The following GRID2 variants were observed in gnomAD, a reference collection of about 807,000 sequenced individuals.
The protein encoded by GRID2 is glutamate ionotropic receptor delta type subunit 2.
A neutral mutation model predicts 114.8 loss-of-function variants in GRID2; 33 were observed. The ratio of observed to expected loss-of-function variants is 0.29; its 90% confidence interval spans 0.22 to 0.38. GRID2 has a LOEUF of 0.38. Among genes scored for constraint, GRID2 ranks in the 10% least tolerant of loss-of-function variants. The pLI, the probability that GRID2 is intolerant of heterozygous loss-of-function variation, is 1.00. For synonymous variants in GRID2, 505 were observed against 449.9 expected, an observed-to-expected ratio of 1.12 and a Z score of -1.55; for missense variants, 1,184 against 1,257.7, an observed-to-expected ratio of 0.94 and a Z score of 0.89.
chr4:93,388,135 C>T (rs1764507170), intron 8 of GRID2, among the ~76,000 whole-genome samples: 1 of 151,876 alleles, frequency 6.6e-6, no homozygotes, highest in Non-Finnish European at 1.5e-5. Flanking sequence ...ATGAGGTAGC[C>T]TGGGGTGGGG....
chr4:92,336,620 A>G (rs992534620), intron 1 of GRID2, among the ~76,000 whole-genome samples: 2 of 152,312 alleles, frequency 1.3e-5, no homozygotes, highest in African/African-American at 4.8e-5. Context: ...AAAATTAAAA[A>G]TAACATCATG....
In GRID2 at chr4:93,549,447, T is replaced by C. The variant is rs139760421; in HGVS notation, c.2193+34036T>C. On this transcript the variant is annotated intron_variant, in intron 13 of 15. Coordinates refer to ENST00000282020, the MANE Select transcript of GRID2 (RefSeq NM_001510.4). ...CTACTAAAACACATTTTCAACAAGC[T>C]TAAATATTTCAAACGCCTATCGAGG... 5.1e-4 allele frequency among the ~76,000 whole-genome samples: 78 copies of C among 152,338 alleles called. 2 individuals are homozygous for C. In the East Asian group the frequency reaches 0.015, roughly 29 times the overall value.
intron 1 of GRID2, among the ~76,000 whole-genome samples, chr4:92,416,745 T>G (rs1200948425): frequency 6.6e-6 from 1 of 152,120 alleles, no homozygotes; most frequent in South Asian, 2.1e-4. Context: ...CGTTCTCCAT[T>G]CTGTTCCATT....
intron 2 of GRID2, among the ~76,000 whole-genome samples, chr4:92,758,487 AT>A (rs1437478946): frequency 1.3e-5 from 2 of 152,220 alleles, no homozygotes; most frequent in Non-Finnish European, 2.9e-5. Flanking sequence ...TTTGAGTCAA[AT>A]AGGCCTGACT....
chr4:93,394,405 A>T (rs1765132194), intron 8 of GRID2, among the ~76,000 whole-genome samples: 1 of 151,942 alleles, frequency 6.6e-6, no homozygotes, highest in Admixed American at 6.6e-5. Flanking sequence ...TTCTCTTAAG[A>T]TATATTATGT....
At chr4:93,112,726 C>G (rs1225434110) in intron 4 of GRID2, among the ~76,000 whole-genome samples, 1 of 152,150 alleles carries the variant, frequency 6.6e-6, no homozygotes, top group African/African-American at 2.4e-5. Flanking sequence ...GGCTAGAAAT[C>G]TAAAATCAAG....
At chr4:92,791,898 TC>T (rs1463956961) in intron 2 of GRID2, among the ~76,000 whole-genome samples, 1 of 151,914 alleles carries the variant, frequency 6.6e-6, no homozygotes, top group African/African-American at 2.4e-5. Context: ...TTTAAGAGGT[TC>T]TTTAGTGTAG....
At chr4:93,060,334 G>C (rs1027295221) in intron 2 of GRID2, among the ~76,000 whole-genome samples, 1 of 152,038 alleles carries the variant, frequency 6.6e-6, no homozygotes, top group African/African-American at 2.4e-5. Context: ...TCTCCTCCGG[G>C]TCCTCCCACA....
intron 10 of GRID2, among the ~76,000 whole-genome samples, chr4:93,439,631 T>C (rs770945160): frequency 2.0e-5 from 3 of 152,122 alleles, no homozygotes; most frequent in Non-Finnish European, 4.4e-5. Flanking sequence ...AGGAAGATCA[T>C]GCACAGAATG....
At chr4:93,623,893 A>C (rs1742442274) in intron 13 of GRID2, among the ~76,000 whole-genome samples, 1 of 152,154 alleles carries the variant, frequency 6.6e-6, no homozygotes, top group African/African-American at 2.4e-5. Flanking sequence ...AGAGGTTCTA[A>C]AATAACCTTC....
intron 1 of GRID2, among the ~76,000 whole-genome samples, chr4:92,505,045 A>G (rs1723886038): frequency 6.6e-6 from 1 of 152,018 alleles, no homozygotes; most frequent in South Asian, 2.1e-4. Context: ...GTAACTTAAG[A>G]TGGTGCGAAG....
chr4:92,562,439 A>G (rs1207558873), intron 1 of GRID2, among the ~76,000 whole-genome samples: 1 of 152,236 alleles, frequency 6.6e-6, no homozygotes, highest in African/African-American at 2.4e-5. Flanking sequence ...GGTAAGTACC[A>G]TAACTTCACA....
intron 4 of GRID2, among the ~76,000 whole-genome samples, chr4:93,202,656 A>G (rs1742230573): frequency 6.6e-6 from 1 of 152,174 alleles, no homozygotes; most frequent in Non-Finnish European, 1.5e-5. Flanking sequence ...TACCAAGTGG[A>G]AAGAGATCAA....
intron 4 of GRID2, among the ~76,000 whole-genome samples, chr4:93,134,458 T>C (rs1735062617): frequency 6.6e-6 from 1 of 152,116 alleles, no homozygotes; most frequent in Non-Finnish European, 1.5e-5. Context: ...TGGCCTGACC[T>C]TGGATGGTGG....
intron 1 of GRID2, among the ~76,000 whole-genome samples, chr4:92,474,187 A>G (rs1263133377): frequency 2.6e-5 from 4 of 151,826 alleles, no homozygotes; most frequent in African/African-American, 9.7e-5. Context: ...CTACCCTCCT[A>G]TCTCCTGGTA....
At chr4:92,729,055 T>C (rs1046007213) in intron 2 of GRID2, among the ~76,000 whole-genome samples, 1 of 152,166 alleles carries the variant, frequency 6.6e-6, no homozygotes, top group Non-Finnish European at 1.5e-5. Flanking sequence ...TTGGGGGGTT[T>C]TCTTAGGGGC....
chr4:92,566,011 G>A (rs914405405), intron 1 of GRID2, among the ~76,000 whole-genome samples: 7 of 151,942 alleles, frequency 4.6e-5, no homozygotes, highest in African/African-American at 1.7e-4. Context: ...CAATCCCTAT[G>A]TGTAAGCTAG....
intron 4 of GRID2, among the ~76,000 whole-genome samples, chr4:93,171,833 C>T (rs536231931): frequency 6.7e-6 from 1 of 149,410 alleles, no homozygotes; most frequent in South Asian, 2.1e-4. Context: ...ATTGAAGTCC[C>T]GCACACTCAA....
At chr4:92,862,980 C>T (rs1009306033) in intron 2 of GRID2, among the ~76,000 whole-genome samples, 7 of 152,026 alleles carry the variant, frequency 4.6e-5, no homozygotes, top group African/African-American at 1.2e-4. Flanking sequence ...CAGTAATTAT[C>T]TCCCACTAGC....
Sources: gnomAD v4.1 joint callset for allele counts (sites outside exome capture counted in the v4.1 genomes callset) on GRCh38, gnomAD v4.1.1 for gene constraint, MANE v1.5 for transcripts, NCBI Gene and HGNC (gene_info 2026-07-23, HGNC 2026-07-21) for gene names.